The following LLGL2 variants were observed in gnomAD, a reference collection of about 807,000 sequenced individuals.
The protein encoded by LLGL2 is LLGL scribble cell polarity complex component 2, also known as LLGL2, scribble cell polarity complex component.
A neutral mutation model predicts 123.2 loss-of-function variants in LLGL2; 81 were observed. The observed-to-expected ratio is 0.66, with a 90% CI of 0.55 to 0.79. The LOEUF is 0.79. Ranked by LOEUF, LLGL2 falls within the 30% of genes least tolerant of loss-of-function variation. The probability of loss-of-function intolerance (pLI) is 0.00; values close to 1 mark genes in which losing one functional copy is unlikely to be tolerated. For synonymous variants in LLGL2, 577 were observed against 594.1 expected (o/e 0.97, Z 0.42); for missense variants, 1,273 against 1,414.6 (o/e 0.90, Z 1.61).
chr17:75,566,037 A>G (rs770984675), intron 10 of LLGL2, among the ~76,000 whole-genome samples: 25 of 152,230 alleles, frequency 1.6e-4, no homozygotes, highest in Non-Finnish European at 3.4e-4. Context: ...AGGGTTGGCA[A>G]GGCCTCCCTG....
Position 75,570,400 on chromosome 17 carries a change from G to A in LLGL2, c.1927G>A (p.Val643Ile), listed in dbSNP as rs151167112. 29 of 1,610,548 alleles carry A rather than the reference G, an allele frequency of 1.8e-5. No individual in the cohort carries two copies. The African/African-American group carries it at 2.0e-4, about 11-fold the overall frequency. The change falls in exon 16 of 26, where the codon GTC (valine) becomes ATC (isoleucine). Residue 643 changes from valine (V) to isoleucine (I), a missense_variant. Transcript: ENST00000392550. ...GGCCTTGGAGGGCCCACTCTCCCGCGTCAAGTCCCTCAAGAAGTCCTTGCG... is the reference window on the plus strand; with the variant it reads ...GGCCTTGGAGGGCCCACTCTCCCGCATCAAGTCCCTCAAGAAGTCCTTGCG... The part of the protein sequence containing the change: ...QLALEGPLSR[V>I]KSLKKSLRQS...
chr17:75,551,406 T>TA (rs1486155842), intron 2 of LLGL2, among the ~76,000 whole-genome samples: 2 of 147,520 alleles, frequency 1.4e-5, no homozygotes, highest in African/African-American at 5.0e-5. Flanking sequence ...AGATGCCTTG[T>TA]ACGTGGCAGG....
At chr17:75,573,848 C>A in intron 21 of LLGL2, 104 bp from the exon 22 acceptor site, 1 of 1,413,202 alleles carries the variant, frequency 7.1e-7, no homozygotes, top group Non-Finnish European at 9.8e-7. Context: ...GGCTCTCCGG[C>A]TCAGGACAGG....
chr17:75,532,052 A>ACACACACACACACACACC (rs2053807966), intron 1 of LLGL2, among the ~76,000 whole-genome samples: 1 of 68,470 alleles, frequency 1.5e-5, no homozygotes, highest in African/African-American at 4.5e-5. Context: ...ATATATGTAT[A>ACACACACACACACACACC]TATACACACA....
At chr17:75,532,920 T>C (rs1256845715) in intron 1 of LLGL2, among the ~76,000 whole-genome samples, 1 of 152,172 alleles carries the variant, frequency 6.6e-6, no homozygotes, top group Non-Finnish European at 1.5e-5. Flanking sequence ...CCTACCTCAG[T>C]GTTTCGTGGG....
Position 75,559,573 on chromosome 17 carries a change from A to G in LLGL2, c.530+163A>G, listed in dbSNP as rs1439539664. On this transcript the variant is annotated intron_variant, in intron 6 of 25. Transcript: ENST00000392550. The surrounding 1 kb of genome is among the most constrained non-coding windows in gnomAD (Gnocchi z 4.6). Reference sequence around the variant, plus strand: ...GCTTCCTACCTGTCACCTACTGAGAACCTATTGGCCTGTCATAGGTTAGCA... The same window carrying G: ...GCTTCCTACCTGTCACCTACTGAGAGCCTATTGGCCTGTCATAGGTTAGCA... Among the ~76,000 whole-genome samples, 1 of 152,138 alleles carries G rather than the reference A, an allele frequency of 6.6e-6. No homozygotes were observed. The highest frequency in any genetic ancestry group is 1.5e-5 in the Non-Finnish European group (1 of 68,026).
intron 1 of LLGL2, among the ~76,000 whole-genome samples, chr17:75,534,742 A>G (rs62088473): frequency 0.12 from 17,522 of 152,166 alleles, 1,435 homozygotes; most frequent in African/African-American, 0.22. Flanking sequence ...CGACCTCCCA[A>G]AGTGCTGGGA....
chr17:75,559,127 C>T lies in LLGL2; in HGVS notation c.372-125C>T. On this transcript the variant is annotated intron_variant, in intron 5 of 25. Coordinates refer to ENST00000392550, the MANE Select transcript of LLGL2 (RefSeq NM_001031803.2). The surrounding 1 kb of genome is among the most constrained non-coding windows in gnomAD (Gnocchi z 4.6). ...AGAAAGTGACCAATGTTTGTCCTGGCTTGAAATGTTATGACCTCATTAAAG... is the reference window on the plus strand; with the variant it reads ...AGAAAGTGACCAATGTTTGTCCTGGTTTGAAATGTTATGACCTCATTAAAG... The T allele has an allele frequency of 1.9e-6, 2 of 1,031,700 alleles. No individual in the cohort carries two copies. Among genetic ancestry groups the T allele is most frequent in the Non-Finnish European group, 2.7e-6 (2 of 733,758 alleles). The allele number at this position is 1,031,700 out of a possible 1,614,324, so 63.9% of individuals were successfully genotyped here. A position where few individuals can be genotyped will look rare whatever the true frequency, so the allele number is the denominator to read the frequency against.
At chr17:75,530,954 A>T (rs1240728481) in intron 1 of LLGL2, among the ~76,000 whole-genome samples, 3 of 151,998 alleles carry the variant, frequency 2.0e-5, no homozygotes, top group Admixed American at 2.0e-4. Context: ...GCTCCTTGGG[A>T]GGGCCAAGAG....
rs752300104 is a variant in LLGL2 at position 75,569,146 on chromosome 17, C to T, written c.1476+15C>T. ...CACTCCGCAAGGTGAGGCCAGGAGCCTGGGACCCAGGAAGGGCAGAGGCCA... is the reference window on the plus strand; with the variant it reads ...CACTCCGCAAGGTGAGGCCAGGAGCTTGGGACCCAGGAAGGGCAGAGGCCA... On this transcript the variant is annotated intron_variant, in intron 13 of 25. Transcript: ENST00000392550. 2 of 1,613,134 alleles carry T rather than the reference C, an allele frequency of 1.2e-6. No individual in the cohort carries two copies. Among genetic ancestry groups the T allele is most frequent in the Admixed American group, 1.7e-5 (1 of 59,998 alleles).
rs139957010 is a variant in LLGL2, at chr17:75,552,068, G to T, written c.76-3978G>T. Among the ~76,000 whole-genome samples the T allele has an allele frequency of 2.6e-3, 395 of 151,870 alleles. 1 individual carries two copies. The highest frequency in any genetic ancestry group is 8.5e-3 in the African/African-American group (352 of 41,404). On this transcript the variant is annotated intron_variant, in intron 2 of 25. Coordinates refer to ENST00000392550, the MANE Select transcript of LLGL2 (RefSeq NM_001031803.2). ...CATTTGAACCCGGGAGGTGGAGGTT[G>T]CAGCGAGCTAAGATCTCACCACTGC...
intron 1 of LLGL2, among the ~76,000 whole-genome samples, chr17:75,530,060 T>C (rs2053720312): frequency 6.6e-6 from 1 of 152,082 alleles, no homozygotes; most frequent in South Asian, 2.1e-4. Flanking sequence ...AGGCACCCAG[T>C]GAGGGTGGAC....
In LLGL2 at chr17:75,575,023, C is replaced by T. The variant is rs2055910170; in HGVS notation, c.*145C>T. 8.5e-7 allele frequency: 1 copy of T among 1,173,636 alleles called. No individual in the cohort carries two copies. Among genetic ancestry groups the T allele is most frequent in the Admixed American group, 1.7e-5 (1 of 58,718 alleles). 72.7% of individuals were successfully genotyped at this position (1,173,636 alleles called of 1,614,324 possible). ...GCTTCCACAATGCAGCTGCTCTGGG[C>T]CTCGGGAGAGGAGAGACCCCAGTCC... On this transcript the variant is annotated 3_prime_UTR_variant, in exon 26 of 26. Coordinates refer to ENST00000392550, the MANE Select transcript of LLGL2 (RefSeq NM_001031803.2).
At chr17:75,538,877 G>A (rs995112770) in intron 1 of LLGL2, among the ~76,000 whole-genome samples, 9 of 151,920 alleles carry the variant, frequency 5.9e-5, no homozygotes, top group East Asian at 5.8e-4. Flanking sequence ...CTGGATCTTC[G>A]CATCCTCTTT....
rs1162773958 is a variant in LLGL2, at chr17:75,564,909, C to A, written c.1036+402C>A. On this transcript the variant is annotated intron_variant, in intron 10 of 25. Coordinates refer to ENST00000392550, the MANE Select transcript of LLGL2 (RefSeq NM_001031803.2). The surrounding 1 kb of genome is among the most constrained non-coding windows in gnomAD (Gnocchi z 4.9). ...TCTGCACAGATGTTCCTAAGCCTAC[C>A]ACTGTCCTGAGTCCCTTAGCCTCAC... 6.6e-6 allele frequency among the ~76,000 whole-genome samples: 1 copy of A among 151,694 alleles called. No homozygotes were observed.
Position 75,558,149 on chromosome 17 carries a change from T to C in LLGL2, c.174-6T>C, listed in dbSNP as rs746100598. The C allele has an allele frequency of 9.9e-6, 16 of 1,613,570 alleles. No homozygotes were observed. The highest frequency in any genetic ancestry group is 1.4e-5 in the Non-Finnish European group (16 of 1,179,852). On this transcript the variant is annotated splice_polypyrimidine_tract_variant and splice_region_variant and intron_variant, in intron 3 of 25. Transcript: ENST00000392550. This position sits in a 1 kb window ranked among gnomAD's most constrained non-coding sequence, Gnocchi z 4.0. The stretch of plus-strand genomic sequence containing the variant: ...CCTTCCAGAGCTTTCCTGAGCCTAC[T>C]CCTAGCTACGGAGCCCCAGGCGTGG...
intron 21 of LLGL2, 25 bp downstream of exon 21, chr17:75,573,656 T>TACCCCCCCCCC: frequency 7.0e-7 from 1 of 1,429,140 alleles, no homozygotes; most frequent in African/African-American, 1.8e-5. Flanking sequence ...CAGAGGCCTC[T>TACCCCCCCCCC]CCCGCCCCTC....
chr17:75,532,717 G>T (rs962529314), intron 1 of LLGL2, among the ~76,000 whole-genome samples: 1 of 152,026 alleles, frequency 6.6e-6, no homozygotes, highest in Non-Finnish European at 1.5e-5. Context: ...GAGCCGCTGC[G>T]CCCAGCCCTC....
chr17:75,535,448 C>T (rs1411035695), intron 1 of LLGL2, among the ~76,000 whole-genome samples: 1 of 152,202 alleles, frequency 6.6e-6, no homozygotes, highest in African/African-American at 2.4e-5. Flanking sequence ...TGGGTGTGGA[C>T]TCTCCCAGCA....
Sources: allele counts gnomAD v4.1 joint callset (sites outside exome capture counted in the v4.1 genomes callset), GRCh38; gene constraint gnomAD v4.1.1; non-coding constraint Gnocchi (gnomAD v3.1); transcripts MANE v1.5; gene names NCBI Gene and HGNC (gene_info 2026-07-23, HGNC 2026-07-21).